The following RNASET2 variants were observed in gnomAD, a reference collection of about 807,000 sequenced individuals.
RNASET2 encodes ribonuclease T2.
Under a neutral mutation model 33.9 loss-of-function variants are expected in RNASET2, and 28 were observed. That is an observed-to-expected ratio of 0.83 (90% CI 0.61 to 1.13). The LOEUF (loss-of-function observed/expected upper bound fraction) is 1.13, where lower values mean the gene tolerates loss of function less well. Ranked by LOEUF, RNASET2 falls within the 50% of genes most tolerant of loss-of-function variation. RNASET2 has a pLI of 0.00. For synonymous variants in RNASET2, 123 were observed against 121.0 expected (o/e 1.02, Z -0.11); for missense variants, 330 against 319.9 (o/e 1.03, Z -0.24).
Position 166,939,016 on chromosome 6 carries a change from G to A in RNASET2, c.333-8C>T. On this transcript the variant is annotated splice_polypyrimidine_tract_variant and splice_region_variant and intron_variant, in intron 5 of 8. Coordinates refer to ENST00000508775, the MANE Select transcript of RNASET2 (RefSeq NM_003730.6). ...TTTTCCCACTCATGCTTCCTGTGAG[G>A]ATTAGGAAAAATCTCCACTTAAAAG... The A allele has an allele frequency of 1.2e-6, 2 of 1,603,264 alleles. No individual in the cohort carries two copies. The highest frequency in any genetic ancestry group is 2.2e-5 in the East Asian group (1 of 44,840).
Position 166,933,862 on chromosome 6 carries a change from G to A in RNASET2, c.492+229C>T. ...CCTGGAGCACACACTTCTCACAAAG[G>A]GAGCCATGAAATCTGTGCTTCCAAA... On this transcript the variant is annotated intron_variant, in intron 7 of 8. Coordinates refer to ENST00000508775, the MANE Select transcript of RNASET2 (RefSeq NM_003730.6). The surrounding 1 kb of genome is among the most constrained non-coding windows in gnomAD (Gnocchi z 4.1). 1.7e-6 allele frequency: 1 copy of A among 585,922 alleles called. No homozygotes were observed. 36.3% of individuals were successfully genotyped at this position (585,922 alleles called of 1,614,324 possible).
At chr6:166,955,039 A>G (rs1309651438) in intron 1 of RNASET2, among the ~76,000 whole-genome samples, 1 of 93,946 alleles carries the variant, frequency 1.1e-5, no homozygotes, top group Non-Finnish European at 1.9e-5. Context: ...CTATGTAAGT[A>G]AGAAATCCTA....
chr6:166,952,372 G>C (rs1246365818), intron 2 of RNASET2, 116 bp downstream of exon 2: 1 of 911,514 alleles, frequency 1.1e-6, no homozygotes, highest in Non-Finnish European at 1.8e-6. Flanking sequence ...CCACCCGCCA[G>C]AGCGATGCCT....
chr6:166,955,965 G>A, intron 1 of RNASET2, 132 bp downstream of exon 1: 1 of 1,111,666 alleles, frequency 9.0e-7, no homozygotes, highest in Non-Finnish European at 1.3e-6. Flanking sequence ...AGCGTGCTCG[G>A]CTCCCCCCGC....
At chr6:166,929,956 T>C (rs1346819880) in intron 8 of RNASET2, among the ~76,000 whole-genome samples, 165 bp from the exon 9 acceptor site, 2 of 152,238 alleles carry the variant, frequency 1.3e-5, no homozygotes, top group African/African-American at 4.8e-5. Context: ...AGAAGGCTGC[T>C]GTGCACTAAA....
At position 166,924,910 on chromosome 6, in the gene RNASET2, A is replaced by T. The variant is rs1298563676; in HGVS notation, c.*4678T>A. 6.6e-6 allele frequency among the ~76,000 whole-genome samples: 1 copy of T among 152,144 alleles called. No individual in the cohort carries two copies. Reference sequence around the variant, plus strand: ...GCCTAGAAGAGAGGCGGCTCATAGGAAGGGTTGAAAAAAGTGTGGAATGAA... The same window carrying T: ...GCCTAGAAGAGAGGCGGCTCATAGGTAGGGTTGAAAAAAGTGTGGAATGAA... On this transcript the variant is annotated 3_prime_UTR_variant, in exon 9 of 9. Coordinates refer to ENST00000508775, the MANE Select transcript of RNASET2 (RefSeq NM_003730.6).
chr6:166,929,462 C>A lies in RNASET2; in HGVS notation c.*126G>T. On this transcript the variant is annotated 3_prime_UTR_variant, in exon 9 of 9. Transcript: ENST00000508775. ...ACTCACTCTACAGGGACCACAACAT[C>A]CAATTCACAGGCATGGAGGGGAAAC... is the stretch of plus-strand genomic sequence containing the variant. 1.0e-6 allele frequency: 1 copy of A among 999,938 alleles called. No individual in the cohort carries two copies. Among genetic ancestry groups the A allele is most frequent in the Non-Finnish European group, 1.6e-6 (1 of 636,134 alleles). The allele number at this position is 999,938 out of a possible 1,614,324, so 61.9% of individuals were successfully genotyped here.
chr6:166,943,104 A>G lies in RNASET2; in HGVS notation c.262-15T>C, dbSNP rs756466025. ...GGCAAAAGATCCTATGCATTAAAAA[A>G]TAAAATAAGTCTACGCAGGTTCTTA... On this transcript the variant is annotated splice_polypyrimidine_tract_variant and intron_variant, in intron 4 of 8. Coordinates refer to ENST00000508775, the MANE Select transcript of RNASET2 (RefSeq NM_003730.6). 8.8e-6 allele frequency: 14 copies of G among 1,598,384 alleles called. No individual in the cohort carries two copies. Among genetic ancestry groups the G allele is most frequent in the Non-Finnish European group, 1.2e-5 (14 of 1,167,214 alleles).
intron 1 of RNASET2, among the ~76,000 whole-genome samples, chr6:166,954,303 C>T (rs1289722566): frequency 6.6e-6 from 1 of 152,192 alleles, no homozygotes; most frequent in Non-Finnish European, 1.5e-5. Context: ...CAAGTTTGTC[C>T]GATCATATCA....
intron 6 of RNASET2, 28 bp from the exon 7 acceptor site, chr6:166,934,164 T>C: frequency 6.8e-7 from 1 of 1,467,668 alleles, no homozygotes; most frequent in Non-Finnish European, 9.5e-7. Context: ...AAAAGTTAGC[T>C]GTATAATGAA....
intron 3 of RNASET2, among the ~76,000 whole-genome samples, chr6:166,947,279 C>T (rs953196678): frequency 5.3e-5 from 8 of 152,180 alleles, no homozygotes; most frequent in South Asian, 2.1e-4. Context: ...CAGTAGCAAA[C>T]GCACTTACAC....
rs1181143608 is a variant in RNASET2 at position 166,924,820 on chromosome 6, C to T, written c.*4768G>A. 6.6e-6 allele frequency among the ~76,000 whole-genome samples: 1 copy of T among 152,174 alleles called. No homozygotes were observed. Among genetic ancestry groups the T allele is most frequent in the African/African-American group, 2.4e-5 (1 of 41,420 alleles). On this transcript the variant is annotated 3_prime_UTR_variant, in exon 9 of 9. Transcript: ENST00000508775. ...ATACAAAATTAGCCGGGCATGGTGG[C>T]ATATGCCACCACTCTTGGAGTGGGC...
intron 1 of RNASET2, chr6:166,955,633 G>A (rs1779146189): frequency 3.0e-6 from 3 of 997,528 alleles, no homozygotes; most frequent in African/African-American, 3.5e-5. Context: ...GCAGTCTGTG[G>A]GATGAGTTTC....
rs1357988931 is a variant in RNASET2 at position 166,933,648 on chromosome 6, G to A, written c.492+443C>T. ...TTTATAGGCGTGAGTCACCACACCT[G>A]GCAAAAAGCAACTTTTTGTATATGC... On this transcript the variant is annotated intron_variant, in intron 7 of 8. Transcript: ENST00000508775. The surrounding 1 kb of genome is among the most constrained non-coding windows in gnomAD (Gnocchi z 4.1). 1 of 193,714 alleles carries A rather than the reference G, an allele frequency of 5.2e-6. No individual in the cohort carries two copies. The highest frequency in any genetic ancestry group is 1.1e-5 in the Non-Finnish European group (1 of 94,098). 12.0% of individuals were successfully genotyped at this position (193,714 alleles called of 1,614,324 possible).
rs542306516 is a variant in RNASET2, at chr6:166,922,311, C to G, written c.*7277G>C. 1.3e-5 allele frequency among the ~76,000 whole-genome samples: 2 copies of G among 152,146 alleles called. No individual in the cohort carries two copies. The highest frequency in any genetic ancestry group is 3.9e-4 in the East Asian group (2 of 5,190). ...ATCTGAGTTATAGTAAAGCCTGTTT[C>G]GTTGGTGTTTGCCTGATAATATCTT... On this transcript the variant is annotated 3_prime_UTR_variant, in exon 9 of 9. Coordinates refer to ENST00000508775, the MANE Select transcript of RNASET2 (RefSeq NM_003730.6).
chr6:166,947,221 G>A (rs369186105), intron 3 of RNASET2, among the ~76,000 whole-genome samples: 7 of 152,200 alleles, frequency 4.6e-5, no homozygotes, highest in African/African-American at 1.4e-4. Context: ...GTCAGAAAGT[G>A]CCTGGCGTAT....
intron 2 of RNASET2, among the ~76,000 whole-genome samples, chr6:166,950,014 A>AT (rs1041201137): frequency 3.3e-5 from 5 of 151,966 alleles, no homozygotes; most frequent in Non-Finnish European, 5.9e-5. Context: ...TTTGCTACAG[A>AT]TTTTTTTTTA....
chr6:166,944,330 G>A (rs1025592771), intron 4 of RNASET2, among the ~76,000 whole-genome samples: 2 of 151,900 alleles, frequency 1.3e-5, no homozygotes, highest in Non-Finnish European at 2.9e-5. Context: ...AACAAACTTC[G>A]GATAACTTCA....
chr6:166,946,587 C>T lies in RNASET2; in HGVS notation c.261+95G>A, dbSNP rs575964972. Reference sequence around the variant, plus strand: ...ATCCTGGTGAATACATTCATGACCCCTTAATTTTAAAGATGACTTTGAAGG... The same window carrying T: ...ATCCTGGTGAATACATTCATGACCCTTTAATTTTAAAGATGACTTTGAAGG... On this transcript the variant is annotated intron_variant, in intron 4 of 8. Coordinates refer to ENST00000508775, the MANE Select transcript of RNASET2 (RefSeq NM_003730.6). 1.6e-5 allele frequency: 12 copies of T among 769,186 alleles called. No individual in the cohort carries two copies. The South Asian group carries it at 1.8e-4, about 11-fold the overall frequency. The allele number at this position is 769,186 out of a possible 1,614,324, so 47.6% of individuals were successfully genotyped here.
Sources: gnomAD v4.1 joint callset for allele counts (sites outside exome capture counted in the v4.1 genomes callset) on GRCh38, gnomAD v4.1.1 for gene constraint, Gnocchi (gnomAD v3.1) non-coding constraint, MANE v1.5 for transcripts, NCBI Gene and HGNC (gene_info 2026-07-23, HGNC 2026-07-21) for gene names.